DAB1: variants seen among roughly 807,000 people sequenced by gnomAD.
DAB1 encodes the protein DAB adaptor protein 1.
DAB1 carries 15 observed loss-of-function variants against 64.6 expected under a neutral mutation model. The ratio of observed to expected loss-of-function variants is 0.23; its 90% CI spans 0.16 to 0.36. The LOEUF (loss-of-function observed/expected upper bound fraction) is 0.36. Ranked by LOEUF, DAB1 falls within the 10% of genes least tolerant of loss-of-function variation. The probability of loss-of-function intolerance (pLI) is 1.00; values close to 1 mark genes in which losing one functional copy is unlikely to be tolerated. For missense variants in DAB1, 596 were observed against 706.7 expected (o/e 0.84, Z 1.78); for synonymous variants, 235 against 251.9 (o/e 0.93, Z 0.64).
chr1:57,435,423 T>G (rs1685661128), intron 7 of DAB1, among the ~76,000 whole-genome samples: 1 of 152,240 alleles, frequency 6.6e-6, no homozygotes, highest in African/African-American at 2.4e-5. Flanking sequence ...CTTTTGAATT[T>G]TTTTAACTTT....
Position 57,015,225 on chromosome 1 carries a change from G to T in DAB1, c.1102C>A (p.Pro368Thr), listed in dbSNP as rs754773594. 6.2e-7 allele frequency: 1 copy of T among 1,614,038 alleles called. No homozygotes were observed. The highest frequency in any genetic ancestry group is 1.1e-5 in the South Asian group (1 of 91,068). ...AGQFPPAAFM[P>T]TQTVMPLPAA... Reference sequence around the variant, plus strand: ...GGCAAAGGCATAACAGTTTGTGTGGGCATGAAGGCGGCTGGCGGAAACTGC... The same window carrying T: ...GGCAAAGGCATAACAGTTTGTGTGGTCATGAAGGCGGCTGGCGGAAACTGC... Residue 368 changes from proline (P) to threonine (T), a missense_variant, in exon 12 of 15, where the codon CCC (proline) becomes ACC (threonine). This residue lies in a region of DAB1 where 377 missense variants were observed against 400.4 expected (regional missense o/e 0.94). Transcript: ENST00000371236.
chr1:57,993,823 T>C (rs994337098), intron 5 of DAB1, among the ~76,000 whole-genome samples: 1 of 152,178 alleles, frequency 6.6e-6, no homozygotes, highest in African/African-American at 2.4e-5. Flanking sequence ...GAAAGTTCAG[T>C]TGCACTGGTT....
At chr1:57,847,560 G>A (rs898949298) in intron 1 of DAB1, among the ~76,000 whole-genome samples, 6 of 152,024 alleles carry the variant, frequency 3.9e-5, no homozygotes, top group African/African-American at 1.4e-4. Flanking sequence ...TGAAAGCTAG[G>A]CAAATATTTA....
intron 3 of DAB1, among the ~76,000 whole-genome samples, chr1:58,433,681 G>A (rs1644910375): frequency 6.6e-6 from 1 of 150,948 alleles, no homozygotes; most frequent in Admixed American, 6.6e-5. Context: ...GAGAGAGAGA[G>A]AGAGAGAAAG....
chr1:57,602,085 T>G (rs1397059771), intron 7 of DAB1, among the ~76,000 whole-genome samples: 2 of 152,208 alleles, frequency 1.3e-5, no homozygotes, highest in African/African-American at 4.8e-5. Context: ...GACTCAAAAT[T>G]CATTGCATAA....
At chr1:57,832,943 T>G (rs992624987) in intron 1 of DAB1, among the ~76,000 whole-genome samples, 4 of 152,156 alleles carry the variant, frequency 2.6e-5, no homozygotes, top group Non-Finnish European at 5.9e-5. Context: ...CTTCTTTTCC[T>G]TCTCCATCAC....
chr1:57,005,272 A>G (rs1646026214), intron 14 of DAB1, among the ~76,000 whole-genome samples: 2 of 152,316 alleles, frequency 1.3e-5, no homozygotes, highest in South Asian at 2.1e-4. Context: ...GCACATGTAC[A>G]TCATCTTTTT....
chr1:58,028,076 C>T (rs1164410847), intron 5 of DAB1, among the ~76,000 whole-genome samples: 3 of 152,310 alleles, frequency 2.0e-5, no homozygotes, highest in Admixed American at 6.5e-5. Context: ...TAATTCCCAT[C>T]ATAGAACATC....
At position 57,305,801 on chromosome 1, in the gene DAB1, C is replaced by T. The variant is rs543008293; in HGVS notation, c.-136-14635G>A. Among the ~76,000 whole-genome samples, 9 of 151,926 alleles carry T rather than the reference C, an allele frequency of 5.9e-5. No homozygotes were observed. The South Asian group carries it at 1.9e-3, about 32-fold the overall frequency. On this transcript the variant is annotated intron_variant, in intron 1 of 14. Coordinates refer to ENST00000371236, the MANE Select transcript of DAB1 (RefSeq NM_001365792.1). The stretch of plus-strand genomic sequence containing the variant: ...TGGCTAACATGGTGAAACCCTGCCT[C>T]TACTAAAAATACAAAAAATTAGCCG...
chr1:58,050,006 A>G (rs574570345), intron 5 of DAB1, among the ~76,000 whole-genome samples: 19 of 152,326 alleles, frequency 1.2e-4, no homozygotes, highest in African/African-American at 3.8e-4. Flanking sequence ...AACTCTAAAG[A>G]AGTGATATTA....
At chr1:58,349,486 T>C (rs1644031253) in intron 3 of DAB1, among the ~76,000 whole-genome samples, 1 of 152,014 alleles carries the variant, frequency 6.6e-6, no homozygotes, top group African/African-American at 2.4e-5. Context: ...ATATTTTAAG[T>C]TCGGGGTACA....
chr1:57,264,329 C>G (rs147743748), intron 2 of DAB1, among the ~76,000 whole-genome samples: 1 of 152,008 alleles, frequency 6.6e-6, no homozygotes, highest in East Asian at 1.9e-4. Flanking sequence ...CAGTCTATCA[C>G]GGAAAACAGA....
intron 3 of DAB1, among the ~76,000 whole-genome samples, chr1:58,403,767 G>C (rs367669550): frequency 6.6e-6 from 1 of 152,124 alleles, no homozygotes. Context: ...GTCCCATGCC[G>C]CTACCTTCCC....
intron 2 of DAB1, among the ~76,000 whole-genome samples, chr1:57,194,419 C>T (rs1308617069): frequency 3.9e-5 from 6 of 152,146 alleles, no homozygotes; most frequent in East Asian, 3.9e-4. Flanking sequence ...GTCCTAAATA[C>T]TTTAATATTA....
rs145974186 is a variant in DAB1 at position 57,943,754 on chromosome 1, G to A, written n.388-59592C>T. ...AAAGCCAAGAGCAGTTTTATGTTAC[G>A]TAATTACCTAAATCACCCTCTACCA... is the stretch of plus-strand genomic sequence containing the variant. On this transcript the variant is annotated intron_variant and non_coding_transcript_variant, in intron 5 of 20. Coordinates refer to the DAB1 transcript ENST00000485760. Among the ~76,000 whole-genome samples the A allele has an allele frequency of 4.3e-4, 65 of 152,174 alleles. 1 individual carries two copies. In the East Asian group the frequency reaches 0.012, roughly 28 times the overall value.
rs114051635 is a variant in DAB1, at chr1:57,449,822, T to C, written n.626-158656A>G. Among the ~76,000 whole-genome samples the C allele has an allele frequency of 2.5e-3, 388 of 152,338 alleles. 3 individuals are homozygous for C. The highest frequency in any genetic ancestry group is 8.7e-3 in the African/African-American group (362 of 41,576). On this transcript the variant is annotated intron_variant and non_coding_transcript_variant, in intron 7 of 20. Coordinates refer to the DAB1 transcript ENST00000485760. The stretch of plus-strand genomic sequence containing the variant: ...TGTCATTTTGTGTCTATTATCTTTA[T>C]CCAGTTTATGAAAATGTGACATATT...
intron 3 of DAB1, among the ~76,000 whole-genome samples, chr1:58,390,991 T>G (rs1227260615): frequency 6.6e-6 from 1 of 152,198 alleles, no homozygotes; most frequent in East Asian, 1.9e-4. Flanking sequence ...ATTCGTCATC[T>G]GAAAATTATC....
intron 6 of DAB1, among the ~76,000 whole-genome samples, chr1:57,715,438 G>T (rs1248188811): frequency 6.6e-6 from 1 of 152,146 alleles, no homozygotes; most frequent in Non-Finnish European, 1.5e-5. Context: ...GAGCAATTAG[G>T]CAGGAGAAAG....
intron 1 of DAB1, among the ~76,000 whole-genome samples, chr1:57,881,849 AGTGAACATTTAATTT>A (rs1171687649): frequency 1.3e-5 from 2 of 152,218 alleles, no homozygotes; most frequent in East Asian, 3.8e-4. Flanking sequence ...AATATTTTAC[AGTGAACATTTAATTT>A]GTTCTATAAA....
Sources: gnomAD v4.1 joint callset for allele counts (sites outside exome capture counted in the v4.1 genomes callset) on GRCh38, gnomAD v4.1.1 for gene constraint, gnomAD v4.1.1 regional missense constraint, MANE v1.5 for transcripts, NCBI Gene and HGNC (gene_info 2026-07-23, HGNC 2026-07-21) for gene names.